RAB5A: variants seen among roughly 807,000 people sequenced by gnomAD.
The protein encoded by RAB5A is RAB5A, member RAS oncogene family.
In RAB5A, 8 loss-of-function variants were observed where a neutral mutation model predicts 25.7. The ratio of observed to expected loss-of-function variants is 0.31; its 90% CI spans 0.18 to 0.56. RAB5A has a LOEUF of 0.56. Among genes scored for constraint, RAB5A ranks in the 20% least tolerant of loss-of-function variants. RAB5A has a pLI of 0.91. For missense variants in RAB5A, 192 were observed against 259.7 expected (o/e 0.74, Z 1.79); for synonymous variants, 98 against 89.8 (o/e 1.09, Z -0.52).
intron 2 of RAB5A, among the ~76,000 whole-genome samples, chr3:19,974,958 G>A (rs577524807): frequency 2.0e-4 from 31 of 152,254 alleles, no homozygotes; most frequent in African/African-American, 7.5e-4. Context: ...GGGCTTGGTG[G>A]CTTACGCCTG....
At chr3:19,975,178 A>G (rs536393137) in intron 2 of RAB5A, among the ~76,000 whole-genome samples, 1 of 151,594 alleles carries the variant, frequency 6.6e-6, no homozygotes, top group East Asian at 1.9e-4. Flanking sequence ...GTGAGCTGAG[A>G]TCACGCCCCT....
chr3:19,983,715 A>G lies in RAB5A; in HGVS notation c.540A>G (p.Lys180=), dbSNP rs750047466. Residue 180 remains lysine, a synonymous_variant, in exon 6 of 6, where the codon AAA becomes AAG. Coordinates refer to ENST00000273047, the MANE Select transcript of RAB5A (RefSeq NM_004162.5). ...TTGATCATTTTCTTTCAGCTAAAAA[A>G]TTGCCAAAGAATGAACCACAAAATC... The part of the protein sequence containing the change: ...VNEIFMAIAK[K]LPKNEPQNPG... The G allele has an allele frequency of 4.4e-6, 7 of 1,603,294 alleles. No individual in the cohort carries two copies. The highest frequency in any genetic ancestry group is 6.0e-6 in the Non-Finnish European group (7 of 1,172,166).
chr3:19,964,544 A>G (rs1019651744), intron 2 of RAB5A, among the ~76,000 whole-genome samples: 1 of 152,234 alleles, frequency 6.6e-6, no homozygotes, highest in Admixed American at 6.5e-5. Flanking sequence ...GAAGGCGCCC[A>G]TACTGACTTT....
chr3:19,948,105 C>T (rs955285947), intron 1 of RAB5A, among the ~76,000 whole-genome samples: 1 of 152,276 alleles, frequency 6.6e-6, no homozygotes, highest in South Asian at 2.1e-4. Flanking sequence ...AGGTAGTGAA[C>T]TACAGCGTTA....
At position 19,947,490 on chromosome 3, in the gene RAB5A, C is replaced by A; in HGVS notation, c.-125C>A. ...CCTGGGCCTTGCTGCCAGGAAGCTT[C>A]GGCCCCGCAGCTCGGCTTGCTGCGG... On this transcript the variant is annotated 5_prime_UTR_variant, in exon 1 of 6. Coordinates refer to ENST00000273047, the MANE Select transcript of RAB5A (RefSeq NM_004162.5). 6.5e-6 allele frequency: 1 copy of A among 153,128 alleles called. No homozygotes were observed. Among genetic ancestry groups the A allele is most frequent in the South Asian group, 1.9e-4 (1 of 5,258 alleles). 9.5% of individuals were successfully genotyped at this position (153,128 alleles called of 1,614,324 possible). A position where few individuals can be genotyped will look rare whatever the true frequency, so the allele number is the denominator to read the frequency against.
intron 2 of RAB5A, among the ~76,000 whole-genome samples, chr3:19,966,273 TAGAATTGTAC>T (rs1234393275): frequency 9.8e-5 from 15 of 152,312 alleles, no homozygotes; most frequent in African/African-American, 3.6e-4. Context: ...CTCACATAAA[TAGAATTGTAC>T]AGTATTTGTA....
chr3:19,955,513 T>C (rs1696486591), intron 2 of RAB5A, among the ~76,000 whole-genome samples: 1 of 152,206 alleles, frequency 6.6e-6, no homozygotes, highest in Non-Finnish European at 1.5e-5. Context: ...GTTTGAGTAG[T>C]TGATTTTACA....
chr3:19,966,287 A>G (rs997339957), intron 2 of RAB5A, among the ~76,000 whole-genome samples: 6 of 152,152 alleles, frequency 3.9e-5, no homozygotes, highest in Admixed American at 6.5e-5. Context: ...ATTGTACAGT[A>G]TTTGTACTTT....
intron 2 of RAB5A, chr3:19,970,852 A>G (rs528344606): frequency 1.3e-5 from 4 of 303,348 alleles, no homozygotes; most frequent in Non-Finnish European, 2.6e-5. Flanking sequence ...TGAAGATGTC[A>G]CCTAAATGTC....
chr3:19,972,189 T>C (rs570535712), intron 2 of RAB5A, among the ~76,000 whole-genome samples: 1 of 152,286 alleles, frequency 6.6e-6, no homozygotes, highest in Non-Finnish European at 1.5e-5. Flanking sequence ...CTTCAGGCTA[T>C]GTGTACAAGC....
intron 2 of RAB5A, among the ~76,000 whole-genome samples, chr3:19,965,242 A>T (rs1273740208): frequency 6.6e-6 from 1 of 151,910 alleles, no homozygotes; most frequent in East Asian, 1.9e-4. Context: ...TTTTCAAACA[A>T]TGTGCATCAG....
chr3:19,963,364 A>ATCCCCCCC (rs1696615859), intron 2 of RAB5A, among the ~76,000 whole-genome samples: 1 of 60,960 alleles, frequency 1.6e-5, no homozygotes, highest in Non-Finnish European at 2.9e-5. Flanking sequence ...TTAGAATTTC[A>ATCCCCCCC]CCCCCCCCCC....
intron 2 of RAB5A, among the ~76,000 whole-genome samples, chr3:19,961,214 TTACCA>T (rs1183356443): frequency 6.6e-6 from 1 of 152,212 alleles, no homozygotes; most frequent in Non-Finnish European, 1.5e-5. Flanking sequence ...CATCTGTACC[TTACCA>T]TGGCTATATG....
At chr3:19,956,402 C>G (rs532772813) in intron 2 of RAB5A, among the ~76,000 whole-genome samples, 1 of 152,080 alleles carries the variant, frequency 6.6e-6, no homozygotes, top group East Asian at 1.9e-4. Context: ...TGCAGTGAGC[C>G]GAGATCGCGC....
chr3:19,951,921 A>G (rs1696430631), intron 2 of RAB5A, among the ~76,000 whole-genome samples: 1 of 152,092 alleles, frequency 6.6e-6, no homozygotes, highest in African/African-American at 2.4e-5. Flanking sequence ...GAAGAAAAAG[A>G]TGAAAGAAGA....
At chr3:19,954,646 C>G (rs564626236) in intron 2 of RAB5A, among the ~76,000 whole-genome samples, 2 of 151,992 alleles carry the variant, frequency 1.3e-5, no homozygotes, top group Non-Finnish European at 2.9e-5. Context: ...AGCAAAACCC[C>G]GTCTTTACAA....
At position 19,975,589 on chromosome 3, in the gene RAB5A, C is replaced by G. The variant is rs1696814000; in HGVS notation, c.164-12C>G. ...GAAAAATGATTGACTTATTGTAGTC[C>G]TTTTCTTTCAGCTGCTTTTCTAACC... On this transcript the variant is annotated splice_polypyrimidine_tract_variant and intron_variant, in intron 2 of 5. Transcript: ENST00000273047. 2 of 1,608,170 alleles carry G rather than the reference C, an allele frequency of 1.2e-6. No homozygotes were observed. The highest frequency in any genetic ancestry group is 1.7e-6 in the Non-Finnish European group (2 of 1,178,184).
chr3:19,963,303 ATGTTTGCTTTTT>A (rs1696614206), intron 2 of RAB5A, among the ~76,000 whole-genome samples: 2 of 141,994 alleles, frequency 1.4e-5, no homozygotes, highest in South Asian at 4.5e-4. Context: ...TGGGCATTTA[ATGTTTGCTTTTT>A]TGTTTGCTGT....
At chr3:19,970,555 C>T (rs1696735446) in intron 2 of RAB5A, 1 of 456,478 alleles carries the variant, frequency 2.2e-6, no homozygotes. Context: ...CAGTAACTCT[C>T]GAAGTGATAA....
Sources: gnomAD v4.1 joint callset for allele counts (sites outside exome capture counted in the v4.1 genomes callset) on GRCh38, gnomAD v4.1.1 for gene constraint, MANE v1.5 for transcripts, NCBI Gene and HGNC (gene_info 2026-07-23, HGNC 2026-07-21) for gene names.